GABRG3: variants seen among roughly 807,000 people sequenced by gnomAD.
GABRG3 encodes the protein gamma-aminobutyric acid type A receptor subunit gamma3.
Under a neutral mutation model 48.8 loss-of-function variants are expected in GABRG3, and 25 were observed. That is an observed-to-expected ratio of 0.51 (90% confidence interval 0.37 to 0.72). The LOEUF (loss-of-function observed/expected upper bound fraction) is 0.72. Among genes scored for constraint, GABRG3 ranks in the 30% least tolerant of loss-of-function variants. The pLI is 0.00. For synonymous variants in GABRG3, 227 were observed against 217.6 expected (o/e 1.04, Z -0.38); for missense variants, 394 against 577.9 (o/e 0.68, Z 3.26).
intron 5 of GABRG3, among the ~76,000 whole-genome samples, chr15:27,468,400 T>A (rs550473340): frequency 6.6e-6 from 1 of 152,302 alleles, no homozygotes; most frequent in South Asian, 2.1e-4. Flanking sequence ...TTCCTGGAAC[T>A]GTCATGGGGT....
At chr15:27,340,945 A>G in intron 5 of GABRG3, 1 of 495,846 alleles carries the variant, frequency 2.0e-6, no homozygotes, top group Non-Finnish European at 4.0e-6. Context: ...AAGAACAGAG[A>G]TTCAATGATG....
intron 2 of GABRG3, among the ~76,000 whole-genome samples, chr15:27,011,752 G>GC (rs1484180627): frequency 4.6e-5 from 7 of 151,862 alleles, no homozygotes; most frequent in Non-Finnish European, 1.0e-4. Flanking sequence ...GGAGGCTGAG[G>GC]CAGGAGAATG....
At position 27,051,757 on chromosome 15, in the gene GABRG3, T is replaced by C. The variant is rs187257165; in HGVS notation, c.270+24936T>C. ...GCAGTCTACTTCTATTACTATTATA[T>C]TGTAATATACAGTGAAATAATTATA... On this transcript the variant is annotated intron_variant, in intron 3 of 9. Transcript: ENST00000615808. 3.3e-5 allele frequency among the ~76,000 whole-genome samples: 5 copies of C among 152,356 alleles called. No individual in the cohort carries two copies. In the East Asian group the frequency reaches 9.6e-4, roughly 29 times the overall value.
At chr15:27,099,945 G>A (rs778681017) in intron 3 of GABRG3, among the ~76,000 whole-genome samples, 1 of 152,054 alleles carries the variant, frequency 6.6e-6, no homozygotes, top group Non-Finnish European at 1.5e-5. Context: ...GGCCGGGCAC[G>A]GTGGCTCACG....
intron 6 of GABRG3, chr15:27,483,146 A>G (rs1198921982): frequency 6.6e-6 from 1 of 152,224 alleles, no homozygotes; most frequent in African/African-American, 2.4e-5. Flanking sequence ...GGCTCAAACA[A>G]CAGAAACAAC....
intron 5 of GABRG3, among the ~76,000 whole-genome samples, chr15:27,461,801 A>T (rs537332601): frequency 2.3e-4 from 35 of 152,302 alleles, no homozygotes; most frequent in African/African-American, 7.5e-4. Flanking sequence ...AGCGGGCTTC[A>T]ATTCTCACCA....
chr15:27,514,891 C>T (rs1890981841), intron 6 of GABRG3, among the ~76,000 whole-genome samples: 1 of 152,052 alleles, frequency 6.6e-6, no homozygotes, highest in East Asian at 1.9e-4. Flanking sequence ...ATTCAGAAAA[C>T]TTGAATTGGA....
intron 5 of GABRG3, among the ~76,000 whole-genome samples, chr15:27,473,970 C>A (rs1356495085): frequency 6.6e-6 from 1 of 152,136 alleles, no homozygotes; most frequent in Non-Finnish European, 1.5e-5. Context: ...TCAGGAAATG[C>A]CTTGTTTCAT....
chr15:27,007,888 C>T (rs548697897), intron 2 of GABRG3, among the ~76,000 whole-genome samples: 15 of 152,208 alleles, frequency 9.9e-5, no homozygotes, highest in African/African-American at 3.4e-4. Flanking sequence ...TTCTTTTACT[C>T]TGCAGAAGCT....
chr15:27,274,080 C>T (rs575679674), intron 3 of GABRG3, among the ~76,000 whole-genome samples: 18 of 152,266 alleles, frequency 1.2e-4, no homozygotes, highest in African/African-American at 4.3e-4. Flanking sequence ...TTCCTGACAA[C>T]ATGGCGGTCA....
chr15:27,388,226 A>T (rs1465818314), intron 5 of GABRG3, among the ~76,000 whole-genome samples: 2 of 47,836 alleles, frequency 4.2e-5, no homozygotes, highest in Admixed American at 2.2e-4. Flanking sequence ...GGAAGGAAGG[A>T]AAGGGAGGAG....
At chr15:27,430,989 C>T (rs1193570773) in intron 5 of GABRG3, among the ~76,000 whole-genome samples, 1 of 141,158 alleles carries the variant, frequency 7.1e-6, no homozygotes. Context: ...GTCCCTGTCT[C>T]AATAAATAAA....
At chr15:27,257,636 C>T (rs1394682219) in intron 3 of GABRG3, among the ~76,000 whole-genome samples, 2 of 152,074 alleles carry the variant, frequency 1.3e-5, no homozygotes, top group African/African-American at 4.8e-5. Flanking sequence ...GAAGCTGTAC[C>T]TACCATTTCC....
intron 6 of GABRG3, among the ~76,000 whole-genome samples, chr15:27,517,910 G>T (rs1027827931): frequency 2.0e-5 from 3 of 151,834 alleles, no homozygotes; most frequent in African/African-American, 7.3e-5. Context: ...AATGTTTCTT[G>T]GTAAATGATA....
intron 3 of GABRG3, among the ~76,000 whole-genome samples, chr15:27,308,337 C>CAT (rs1488492836): frequency 1.5e-5 from 2 of 131,264 alleles, no homozygotes; most frequent in African/African-American, 5.6e-5. Context: ...TATATATAAA[C>CAT]ATAATATAAA....
chr15:27,056,559 A>C (rs1896551639), intron 3 of GABRG3, among the ~76,000 whole-genome samples: 2 of 152,022 alleles, frequency 1.3e-5, no homozygotes, highest in Non-Finnish European at 2.9e-5. Context: ...AGTGTTGTCC[A>C]GTGTTGGTGG....
At chr15:27,064,798 G>A (rs1896709940) in intron 3 of GABRG3, among the ~76,000 whole-genome samples, 2 of 152,176 alleles carry the variant, frequency 1.3e-5, no homozygotes, top group Non-Finnish European at 2.9e-5. Context: ...CATCCCGTGT[G>A]TTAGCAATAC....
intron 6 of GABRG3, among the ~76,000 whole-genome samples, chr15:27,507,346 A>C (rs1229406177): frequency 6.6e-6 from 1 of 152,080 alleles, no homozygotes; most frequent in Non-Finnish European, 1.5e-5. Flanking sequence ...TCTACTAAAA[A>C]TACAAAAATT....
intron 3 of GABRG3, among the ~76,000 whole-genome samples, chr15:27,256,165 G>C (rs558175553): frequency 6.6e-6 from 1 of 152,126 alleles, no homozygotes; most frequent in African/African-American, 2.4e-5. Context: ...CAGAGGGGCC[G>C]GGTGTGGTGG....
Sources: allele counts gnomAD v4.1 joint callset (sites outside exome capture counted in the v4.1 genomes callset), GRCh38; gene constraint gnomAD v4.1.1; transcripts MANE v1.5; gene names NCBI Gene and HGNC (gene_info 2026-07-23, HGNC 2026-07-21).